Variants in ZMYM2 observed in about 807,000 individuals in gnomAD.
ZMYM2 encodes zinc finger MYM-type protein 2.
Under a neutral mutation model 162.8 loss-of-function variants are expected in ZMYM2, and 56 were observed. The observed-to-expected ratio is 0.34, with a 90% confidence interval of 0.28 to 0.43. The LOEUF (loss-of-function observed/expected upper bound fraction) is 0.43, where lower values mean the gene tolerates loss of function less well. ZMYM2 is among the 20% of genes least tolerant of loss of function. The pLI is 1.00. For missense variants in ZMYM2, 1,275 were observed against 1,621.8 expected (o/e 0.79, Z 3.67); for synonymous variants, 510 against 541.6 (o/e 0.94, Z 0.81).
the ZMYM2 span, among the ~76,000 whole-genome samples, chr13:19,887,649 G>T: frequency 2.0e-5 from 3 of 151,798 alleles, no homozygotes; most frequent in African/African-American, 7.3e-5. Flanking sequence ...GAGTTGTTAG[G>T]AAAGGCAAGA....
At chr13:20,040,162 A>T (rs1190945443) in intron 12 of ZMYM2, among the ~76,000 whole-genome samples, 6 of 152,174 alleles carry the variant, frequency 3.9e-5, no homozygotes, top group African/African-American at 9.7e-5. Flanking sequence ...AGTAGGAATG[A>T]TACCAGCTCT....
intron 2 of ZMYM2, among the ~76,000 whole-genome samples, chr13:19,964,414 T>C (rs1955557332): frequency 6.6e-6 from 1 of 151,814 alleles, no homozygotes; most frequent in Non-Finnish European, 1.5e-5. Flanking sequence ...TTCACAGAAA[T>C]AGATAATGCA....
chr13:20,076,406 T>C (rs987314328), intron 21 of ZMYM2, among the ~76,000 whole-genome samples: 4 of 150,638 alleles, frequency 2.7e-5, no homozygotes, highest in African/African-American at 5.0e-5. Flanking sequence ...AGGGGTATTA[T>C]TGGATCTCAA....
intron 9 of ZMYM2, among the ~76,000 whole-genome samples, chr13:20,028,808 CTTT>C (rs796879715): frequency 7.1e-6 from 1 of 140,256 alleles, no homozygotes; most frequent in African/African-American, 2.6e-5. Context: ...ATGCAATCAT[CTTT>C]TTTTTTTTTT....
At chr13:20,063,713 G>A (rs12560534) in intron 18 of ZMYM2, among the ~76,000 whole-genome samples, 102,488 of 148,652 alleles carry the variant, frequency 0.69, 40,284 homozygotes, top group Non-Finnish European at 0.86. Flanking sequence ...AGGAGGCGGA[G>A]GTTGCAGTGA....
At chr13:19,919,521 AT>A in the ZMYM2 span, among the ~76,000 whole-genome samples, 3 of 151,380 alleles carry the variant, frequency 2.0e-5, no homozygotes, top group African/African-American at 4.9e-5. Flanking sequence ...TATTTTTACC[AT>A]TTTTTTTAGT....
Position 20,031,338 on chromosome 13 carries a change from C to A in ZMYM2, c.1871C>A (p.Ser624Tyr). 1 of 1,607,582 alleles carries A rather than the reference C, an allele frequency of 6.2e-7. No homozygotes were observed. Among genetic ancestry groups the A allele is most frequent in the East Asian group, 2.2e-5 (1 of 44,730 alleles). ...TTTTAGGCTCTAAGTATGCAGTCAT[C>A]TCCAAATGGCCAGTTTGTAGCGCCA... ...AKFQALSMQS[S>Y]PNGQFVAPSD... The change falls in exon 10 of 25, where the codon TCT becomes TAT. Residue 624 changes from serine (S) to tyrosine (Y), a missense_variant. By Grantham distance (144) the Ser-to-Tyr change is moderately radical (BLOSUM62 -2). This residue lies in a region of ZMYM2 where 276 missense variants were observed against 311.8 expected (regional missense o/e 0.89). Coordinates refer to ENST00000610343, the MANE Select transcript of ZMYM2 (RefSeq NM_197968.4).
At chr13:19,885,907 A>ATG in the ZMYM2 span, among the ~76,000 whole-genome samples, 217 of 30,270 alleles carry the variant, frequency 7.2e-3, 60 homozygotes, top group Non-Finnish European at 0.013. Context: ...ACACATATAT[A>ATG]TGTATATACA....
At chr13:20,079,631 A>G (rs760003575) in intron 21 of ZMYM2, among the ~76,000 whole-genome samples, 6 of 152,170 alleles carry the variant, frequency 3.9e-5, no homozygotes, top group Non-Finnish European at 8.8e-5. Flanking sequence ...ATTGCTTCCC[A>G]TACTACCACA....
intron 17 of ZMYM2, among the ~76,000 whole-genome samples, chr13:20,061,946 T>G (rs1956267750): frequency 6.6e-6 from 1 of 151,762 alleles, no homozygotes; most frequent in Non-Finnish European, 1.5e-5. Context: ...AGAGTTTATC[T>G]TAACCTCTGT....
intron 12 of ZMYM2, among the ~76,000 whole-genome samples, chr13:20,046,265 T>A (rs1041109125): frequency 6.6e-6 from 1 of 151,224 alleles, no homozygotes; most frequent in Non-Finnish European, 1.5e-5. Context: ...AACAAAAAAT[T>A]ACTGAGAGCG....
the ZMYM2 span, among the ~76,000 whole-genome samples, chr13:19,905,311 C>A: frequency 1.3e-5 from 2 of 152,136 alleles, no homozygotes; most frequent in Non-Finnish European, 2.9e-5. Context: ...CTGCGCCTGG[C>A]CTATTTTTTT....
At chr13:19,964,903 T>C (rs1955601596) in intron 2 of ZMYM2, among the ~76,000 whole-genome samples, 3 of 152,220 alleles carry the variant, frequency 2.0e-5, no homozygotes, top group Non-Finnish European at 4.4e-5. Context: ...TGCAACTTCA[T>C]ATGCAAATGT....
the ZMYM2 span, among the ~76,000 whole-genome samples, chr13:19,904,518 A>G: frequency 6.6e-6 from 1 of 152,128 alleles, no homozygotes. Flanking sequence ...AGATGGCGCC[A>G]TTGCACTCCA....
chr13:19,979,235 T>G (rs1957078599), intron 2 of ZMYM2, among the ~76,000 whole-genome samples: 1 of 152,186 alleles, frequency 6.6e-6, no homozygotes, highest in Non-Finnish European at 1.5e-5. Flanking sequence ...TGGATATCTT[T>G]GAGTTTATCC....
At chr13:19,892,955 C>T in the ZMYM2 span, among the ~76,000 whole-genome samples, 408 of 151,422 alleles carry the variant, frequency 2.7e-3, 2 homozygotes, top group South Asian at 7.7e-3. Flanking sequence ...CCTCGTGTTC[C>T]GCCCACCTCA....
rs975212901 is a variant in ZMYM2, at chr13:20,031,421, A to C, written c.1954A>C (p.Ile652Leu). 2 of 1,602,866 alleles carry C rather than the reference A, an allele frequency of 1.2e-6. No homozygotes were observed. Among genetic ancestry groups the C allele is most frequent in the Non-Finnish European group, 8.5e-7 (1 of 1,175,886 alleles). The change falls in exon 10 of 25, where the codon ATC becomes CTC. Residue 652 changes from isoleucine (I) to leucine (L), a missense_variant. By Grantham distance (5) the Ile-to-Leu change is conservative. Transcript: ENST00000610343. ...AAATTCCTTTTGTTCAAAACCAGAA[A>C]TCCTGGAATGGGAGGCAAGTTGTAT... is the stretch of plus-strand genomic sequence containing the variant. ...CKNSFCSKPE[I>L]LEWENKVHQF...
At chr13:19,885,122 C>T in the ZMYM2 span, among the ~76,000 whole-genome samples, 1 of 152,166 alleles carries the variant, frequency 6.6e-6, no homozygotes, top group East Asian at 1.9e-4. Context: ...CCAGAGGGCC[C>T]AGCTGGCTTC....
At chr13:19,906,284 GTATATATATATATA>G in the ZMYM2 span, among the ~76,000 whole-genome samples, 7,923 of 63,780 alleles carry the variant, frequency 0.12, 610 homozygotes, top group South Asian at 0.21. Context: ...TCAAAAAAAA[GTATATATATATATA>G]TATATATATA....
Sources: gnomAD v4.1 joint callset for allele counts (sites outside exome capture counted in the v4.1 genomes callset) on GRCh38, gnomAD v4.1.1 for gene constraint, gnomAD v4.1.1 regional missense constraint, MANE v1.5 for transcripts, NCBI Gene and HGNC (gene_info 2026-07-23, HGNC 2026-07-21) for gene names.